Variants in ALG9 observed in about 807,000 individuals in gnomAD.
The protein encoded by ALG9 is alpha-1,2-mannosyltransferase ALG9.
In ALG9, 55 loss-of-function variants were observed where a neutral mutation model predicts 81.8. That is an observed-to-expected ratio of 0.67 (90% CI 0.54 to 0.84). ALG9 has a LOEUF of 0.84. Ranked by LOEUF, ALG9 falls within the 40% of genes least tolerant of loss-of-function variation. The probability of loss-of-function intolerance (pLI) is 0.00; values close to 1 mark genes in which losing one functional copy is unlikely to be tolerated. For synonymous variants in ALG9, 278 were observed against 274.3 expected (o/e 1.01, Z -0.13); for missense variants, 629 against 745.0 (o/e 0.84, Z 1.81).
At chr11:111,801,392 A>G (rs1949105294) in intron 14 of ALG9, among the ~76,000 whole-genome samples, 1 of 152,232 alleles carries the variant, frequency 6.6e-6, no homozygotes, top group African/African-American at 2.4e-5. Flanking sequence ...TTAGACCAAT[A>G]TATACTAGAA....
At chr11:111,849,883 T>C (rs1555135617) in intron 8 of ALG9, 2 of 152,200 alleles carry the variant, frequency 1.3e-5, no homozygotes, top group African/African-American at 4.8e-5. Flanking sequence ...GATAAGAAAC[T>C]GTGTGCTTAA....
At chr11:111,852,296 T>C (rs1957949061) in intron 8 of ALG9, among the ~76,000 whole-genome samples, 1 of 152,222 alleles carries the variant, frequency 6.6e-6, no homozygotes, top group Admixed American at 6.5e-5. Context: ...CGTGAAATGT[T>C]TGCTGAGTTG....
intron 4 of ALG9, among the ~76,000 whole-genome samples, chr11:111,864,045 C>T (rs1263579335): frequency 6.6e-6 from 1 of 152,166 alleles, no homozygotes; most frequent in Non-Finnish European, 1.5e-5. Context: ...TCAGGAGCTA[C>T]AGGTGATGGG....
chr11:111,795,026 A>G (rs1948040757), intron 14 of ALG9, among the ~76,000 whole-genome samples: 2 of 152,204 alleles, frequency 1.3e-5, no homozygotes, highest in South Asian at 4.1e-4. Flanking sequence ...CATTATTCTA[A>G]TGGTAACTAA....
intron 14 of ALG9, among the ~76,000 whole-genome samples, chr11:111,805,722 A>C (rs1555084502): frequency 6.6e-6 from 1 of 152,222 alleles, no homozygotes; most frequent in African/African-American, 2.4e-5. Context: ...ATGAAACGGT[A>C]ATGGGAGACA....
chr11:111,780,458 G>A (rs951746001), downstream of ALG9, among the ~76,000 whole-genome samples: 8 of 151,082 alleles, frequency 5.3e-5, no homozygotes, highest in Middle Eastern at 3.4e-3. Context: ...GTGCAGTGGC[G>A]TGATCTTGGC....
Position 111,785,138 on chromosome 11 carries a change from C to CA in ALG9, c.*1258dup, listed in dbSNP as rs2136177788. 1 of 152,642 alleles carries CA rather than the reference C, an allele frequency of 6.6e-6. No homozygotes were observed. Among genetic ancestry groups the CA allele is most frequent in the East Asian group, 1.9e-4 (1 of 5,186 alleles). 9.5% of individuals were successfully genotyped at this position (152,642 alleles called of 1,614,324 possible). A position where few individuals can be genotyped will look rare whatever the true frequency, so the allele number is the denominator to read the frequency against. ...GATGAGAGTAAGGAAACCTGGGTTC[C>CA]AGTCCCAGCTCTATTACTTACTGGC... On this transcript the variant is annotated 3_prime_UTR_variant, in exon 15 of 15. Transcript: ENST00000616540.
At chr11:111,869,157 A>C (rs539577414) in intron 2 of ALG9, among the ~76,000 whole-genome samples, 1 of 152,348 alleles carries the variant, frequency 6.6e-6, no homozygotes, top group East Asian at 1.9e-4. Context: ...TAAAATATTA[A>C]GACATTATAA....
At chr11:111,796,897 C>A (rs1296348417) in intron 14 of ALG9, among the ~76,000 whole-genome samples, 8 of 152,114 alleles carry the variant, frequency 5.3e-5, no homozygotes, top group Non-Finnish European at 1.2e-4. Flanking sequence ...AGGGAAGCAC[C>A]ATCTGAAGCA....
At chr11:111,835,273 AC>A (rs1168292074) in intron 13 of ALG9, among the ~76,000 whole-genome samples, 12 of 152,346 alleles carry the variant, frequency 7.9e-5, no homozygotes, top group Admixed American at 6.5e-4. Context: ...TGTCTTTGTG[AC>A]CCAAAAGGAG....
chr11:111,858,934 G>A (rs955965162), intron 5 of ALG9, among the ~76,000 whole-genome samples: 2 of 152,316 alleles, frequency 1.3e-5, no homozygotes, highest in Non-Finnish European at 1.5e-5. Context: ...GCCAGGCACA[G>A]TGGCTCATGT....
chr11:111,791,200 A>G (rs1286732275), intron 14 of ALG9, among the ~76,000 whole-genome samples: 1 of 152,246 alleles, frequency 6.6e-6, no homozygotes, highest in East Asian at 1.9e-4. Flanking sequence ...CTGGCTCTGA[A>G]GATATATAAG....
intron 13 of ALG9, among the ~76,000 whole-genome samples, 195 bp from the exon 14 acceptor site, chr11:111,809,968 G>C (rs1240636319): frequency 1.3e-5 from 2 of 152,174 alleles, no homozygotes; most frequent in East Asian, 3.8e-4. Context: ...CACTCATTCA[G>C]CCATAGGTAA....
At chr11:111,779,616 G>A (rs1435197513), downstream of ALG9, among the ~76,000 whole-genome samples, 1 of 152,030 alleles carries the variant, frequency 6.6e-6, no homozygotes, top group Admixed American at 6.6e-5. Context: ...CTCCCAAAGT[G>A]TTGGGATTAC....
intron 6 of ALG9, among the ~76,000 whole-genome samples, chr11:111,857,007 T>G (rs1958804495): frequency 6.6e-6 from 1 of 152,208 alleles, no homozygotes; most frequent in African/African-American, 2.4e-5. Flanking sequence ...CTTGGGGGGC[T>G]GAGGCAGGAG....
At chr11:111,823,808 C>A (rs1268906298) in intron 13 of ALG9, among the ~76,000 whole-genome samples, 2 of 152,204 alleles carry the variant, frequency 1.3e-5, no homozygotes, top group African/African-American at 4.8e-5. Context: ...TCCCACTGTT[C>A]ACATTCCACA....
intron 4 of ALG9, among the ~76,000 whole-genome samples, chr11:111,862,760 T>A (rs1440972058): frequency 1.3e-5 from 2 of 151,252 alleles, no homozygotes; most frequent in Middle Eastern, 3.5e-3. Context: ...CTGAATTTTT[T>A]AAATTTATTT....
chr11:111,838,468 AGCC>A, intron 10 of ALG9, 69 bp from the exon 11 acceptor site: 14 of 1,400,840 alleles, frequency 1.0e-5, no homozygotes, highest in Admixed American at 9.9e-5. Context: ...TCAAGAGCGA[AGCC>A]AAAAAAGAGG....
intron 11 of ALG9, among the ~76,000 whole-genome samples, chr11:111,837,968 A>G (rs1268544911): frequency 6.6e-6 from 1 of 152,232 alleles, no homozygotes; most frequent in African/African-American, 2.4e-5. Flanking sequence ...TTGCATTTTA[A>G]GTTTAAGGCT....
Sources: gnomAD v4.1 joint callset for allele counts (sites outside exome capture counted in the v4.1 genomes callset) on GRCh38, gnomAD v4.1.1 for gene constraint, MANE v1.5 for transcripts, NCBI Gene and HGNC (gene_info 2026-07-23, HGNC 2026-07-21) for gene names.